The following BLTP3B variants were observed in gnomAD, a reference collection of about 807,000 sequenced individuals.
BLTP3B encodes the protein bridge-like lipid transfer protein family member 3B.
the BLTP3B span, among the ~76,000 whole-genome samples, chr12:100,044,771 A>G: frequency 3.3e-5 from 5 of 152,218 alleles, no homozygotes; most frequent in African/African-American, 1.2e-4. Context: ...AGACAAAGAA[A>G]TAAAGGGTAT....
the BLTP3B span, among the ~76,000 whole-genome samples, chr12:100,075,014 CCTTT>C: frequency 0.01 from 1,547 of 151,434 alleles, 33 homozygotes; most frequent in African/African-American, 0.035. Flanking sequence ...CCTACACCTT[CCTTT>C]TTTTTTTTTT....
At chr12:100,096,971 T>G in the BLTP3B span, among the ~76,000 whole-genome samples, 10 of 152,170 alleles carry the variant, frequency 6.6e-5, no homozygotes, top group Non-Finnish European at 1.2e-4. Flanking sequence ...TCCCAGCTAC[T>G]TGAGAAGCTG....
chr12:100,095,933 A>G, the BLTP3B span: 1 of 1,127,726 alleles, frequency 8.9e-7, no homozygotes, highest in Non-Finnish European at 1.2e-6. Context: ...TTTTGAATAG[A>G]AATATGGATT....
the BLTP3B span, among the ~76,000 whole-genome samples, chr12:100,119,777 C>T: frequency 6.6e-6 from 1 of 152,138 alleles, no homozygotes; most frequent in Admixed American, 6.5e-5. Context: ...CTTTACCTCA[C>T]CCCATAAACA....
chr12:100,138,657 G>C, the BLTP3B span, among the ~76,000 whole-genome samples: 1 of 152,338 alleles, frequency 6.6e-6, no homozygotes, highest in South Asian at 2.1e-4. Context: ...ACCGAGGTGA[G>C]GTGAATGTCT....
the BLTP3B span, among the ~76,000 whole-genome samples, chr12:100,101,273 G>C: frequency 2.6e-5 from 4 of 152,174 alleles, no homozygotes; most frequent in African/African-American, 9.7e-5. Context: ...ACTCTTAGAA[G>C]TGGAACGAAT....
the BLTP3B span, among the ~76,000 whole-genome samples, chr12:100,038,117 T>C: frequency 1.4e-3 from 217 of 152,344 alleles, no homozygotes; most frequent in Non-Finnish European, 2.6e-3. Flanking sequence ...TGTTTCATAT[T>C]TATCCATTTC....
At chr12:100,138,069 C>T in the BLTP3B span, among the ~76,000 whole-genome samples, 2 of 152,154 alleles carry the variant, frequency 1.3e-5, no homozygotes, top group South Asian at 4.1e-4. Context: ...ATTTTGCCTC[C>T]TATGAGACAT....
chr12:100,077,999 C>T, the BLTP3B span, among the ~76,000 whole-genome samples: 1,542 of 152,256 alleles, frequency 0.01, 25 homozygotes, highest in African/African-American at 0.035. Context: ...TGGTCTCCCT[C>T]TGACCCTGCT....
chr12:100,086,302 T>C, the BLTP3B span: 3 of 1,541,642 alleles, frequency 1.9e-6, no homozygotes, highest in Non-Finnish European at 2.6e-6. Flanking sequence ...TAATAATCTA[T>C]AGTTAGCTGT....
chr12:100,137,847 T>C, the BLTP3B span, among the ~76,000 whole-genome samples: 2 of 152,218 alleles, frequency 1.3e-5, no homozygotes, highest in Non-Finnish European at 2.9e-5. Flanking sequence ...AGATGACTAA[T>C]GGAGCAACAA....
At chr12:100,100,390 A>ATT in the BLTP3B span, among the ~76,000 whole-genome samples, 1 of 152,002 alleles carries the variant, frequency 6.6e-6, no homozygotes, top group Non-Finnish European at 1.5e-5. Flanking sequence ...CTGCAAAAAA[A>ATT]TTTTTTTAAT....
chr12:100,104,461 C>T, the BLTP3B span, among the ~76,000 whole-genome samples: 2 of 151,706 alleles, frequency 1.3e-5, no homozygotes, highest in African/African-American at 2.4e-5. Flanking sequence ...AACTCGGCCT[C>T]TCAAGGTGCT....
At chr12:100,090,635 A>G in the BLTP3B span, among the ~76,000 whole-genome samples, 2 of 152,196 alleles carry the variant, frequency 1.3e-5, no homozygotes, top group African/African-American at 4.8e-5. Flanking sequence ...TACTTAGTAA[A>G]TGAGAATCTC....
the BLTP3B span, among the ~76,000 whole-genome samples, chr12:100,079,859 A>C: frequency 1.3e-5 from 2 of 152,168 alleles, no homozygotes; most frequent in African/African-American, 4.8e-5. Flanking sequence ...GGTACCCTGC[A>C]TCCCAGCTGC....
chr12:100,091,665 G>A, the BLTP3B span, among the ~76,000 whole-genome samples: 1 of 151,578 alleles, frequency 6.6e-6, no homozygotes, highest in East Asian at 2.0e-4. Context: ...ACCACGCCCG[G>A]CTAAATTTTT....
At chr12:100,111,585 AGTTTTTT>A in the BLTP3B span, among the ~76,000 whole-genome samples, 3 of 150,614 alleles carry the variant, frequency 2.0e-5, no homozygotes, top group Non-Finnish European at 4.4e-5. Context: ...ATGCTCAGCT[AGTTTTTT>A]GTTTTTTTTT....
chr12:100,102,725 C>G, the BLTP3B span: 13 of 1,031,342 alleles, frequency 1.3e-5, no homozygotes, highest in African/African-American at 1.8e-5. Context: ...TTTTTAATGT[C>G]CTGTTATTGG....
At chr12:100,096,951 G>C in the BLTP3B span, among the ~76,000 whole-genome samples, 1 of 152,112 alleles carries the variant, frequency 6.6e-6, no homozygotes, top group African/African-American at 2.4e-5. Context: ...CATAGTGGGC[G>C]TGCCTATTGT....
Sources: allele counts gnomAD v4.1 joint callset (sites outside exome capture counted in the v4.1 genomes callset), GRCh38; gene constraint gnomAD v4.1.1; transcripts MANE v1.5; gene names NCBI Gene and HGNC (gene_info 2026-07-23, HGNC 2026-07-21).